ARHGEF12: variants seen among roughly 807,000 people sequenced by gnomAD.
ARHGEF12 encodes the protein Rho guanine nucleotide exchange factor 12, also known as KMT2A/ARHGEF12 fusion protein.
A neutral mutation model predicts 211.2 loss-of-function variants in ARHGEF12; 66 were observed. The ratio of observed to expected loss-of-function variants is 0.31; its 90% CI spans 0.26 to 0.38. The LOEUF is 0.38. Ranked by LOEUF, ARHGEF12 falls within the 10% of genes least tolerant of loss-of-function variation. The pLI is 1.00. For missense variants in ARHGEF12, 1,429 were observed against 1,869.5 expected, an observed-to-expected ratio of 0.76 and a Z score of 4.34; for synonymous variants, 592 against 638.4, an observed-to-expected ratio of 0.93 and a Z score of 1.09.
At chr11:120,389,753 C>T (rs1016300292) in intron 1 of ARHGEF12, among the ~76,000 whole-genome samples, 4 of 152,188 alleles carry the variant, frequency 2.6e-5, no homozygotes, top group Admixed American at 6.5e-5. Context: ...TTTTTAGCTT[C>T]CACAAATGAG....
chr11:120,419,873 G>A (rs1024500018), intron 4 of ARHGEF12, among the ~76,000 whole-genome samples: 1 of 152,076 alleles, frequency 6.6e-6, no homozygotes, highest in Non-Finnish European at 1.5e-5. Flanking sequence ...ATCCTGCAAA[G>A]CTGAAAATAT....
Position 120,431,913 on chromosome 11 carries a change from T to C in ARHGEF12, c.924+2T>C. 1 of 1,580,482 alleles carries C rather than the reference T, an allele frequency of 6.3e-7. No homozygotes were observed. The highest frequency in any genetic ancestry group is 8.6e-7 in the Non-Finnish European group (1 of 1,166,632). On this transcript the variant is annotated splice_donor_variant, in intron 11 of 40. Transcript: ENST00000397843. LOFTEE classifies it high-confidence loss of function. ...CGGCCCAGTAGTGACAATGCAGATG[T>C]AAGCTTTCAGTTTTCTAAATCTTTT...
At chr11:120,348,704 G>T (rs1279363008) in intron 1 of ARHGEF12, among the ~76,000 whole-genome samples, 1 of 152,112 alleles carries the variant, frequency 6.6e-6, no homozygotes, top group Non-Finnish European at 1.5e-5. Context: ...AGCTGGGCAT[G>T]GTGGCACATG....
chr11:120,362,501 G>T (rs1027391478), intron 1 of ARHGEF12, among the ~76,000 whole-genome samples: 1 of 152,098 alleles, frequency 6.6e-6, no homozygotes, highest in African/African-American at 2.4e-5. Flanking sequence ...GGAATTAGAT[G>T]ATTTAGTTAA....
chr11:120,414,845 G>C (rs567102896), intron 4 of ARHGEF12, among the ~76,000 whole-genome samples: 140 of 152,264 alleles, frequency 9.2e-4, no homozygotes, highest in African/African-American at 3.2e-3. Flanking sequence ...TCTTGCCTTG[G>C]CCTCCCAAAA....
At chr11:120,345,754 A>G (rs1314300382) in intron 1 of ARHGEF12, among the ~76,000 whole-genome samples, 2 of 150,952 alleles carry the variant, frequency 1.3e-5, no homozygotes, top group Admixed American at 1.3e-4. Flanking sequence ...CTAAATATAT[A>G]TATATATACA....
intron 4 of ARHGEF12, among the ~76,000 whole-genome samples, chr11:120,416,196 G>A (rs2135634289): frequency 6.6e-6 from 1 of 152,204 alleles, no homozygotes; most frequent in South Asian, 2.1e-4. Context: ...TCTCTCCGAT[G>A]ACCTCCCTTT....
At chr11:120,473,863 G>A (rs149954357) in intron 31 of ARHGEF12, among the ~76,000 whole-genome samples, 2 of 152,276 alleles carry the variant, frequency 1.3e-5, no homozygotes, top group Non-Finnish European at 2.9e-5. Flanking sequence ...CTAGTATGTG[G>A]GCTTATGTGT....
At chr11:120,426,124 TCCC>T (rs1272982454) in intron 7 of ARHGEF12, among the ~76,000 whole-genome samples, 2 of 152,172 alleles carry the variant, frequency 1.3e-5, no homozygotes, top group Non-Finnish European at 2.9e-5. Context: ...CAAAATTAGA[TCCC>T]CATACTTGAA....
At chr11:120,475,832 C>A (rs937758993) in intron 33 of ARHGEF12, 4 of 191,774 alleles carry the variant, frequency 2.1e-5, no homozygotes, top group Non-Finnish European at 4.2e-5. Context: ...AGAAAAAAAT[C>A]AAAAACCAAA....
At chr11:120,337,393 GT>G in intron 1 of ARHGEF12, 118 bp downstream of exon 1, 2 of 1,557,356 alleles carry the variant, frequency 1.3e-6, no homozygotes, top group East Asian at 4.6e-5. Context: ...AAAGAGGGTT[GT>G]TTCGGAGCTG....
At chr11:120,472,946 C>T (rs773584067) in intron 30 of ARHGEF12, 104 bp from the exon 31 acceptor site, 640 of 1,056,378 alleles carry the variant, frequency 6.1e-4, no homozygotes, top group Non-Finnish European at 8.3e-4. Flanking sequence ...TGAGCCACCA[C>T]GCCTGGCCAA....
At chr11:120,434,454 T>A (rs1018926197) in intron 11 of ARHGEF12, among the ~76,000 whole-genome samples, 1 of 152,238 alleles carries the variant, frequency 6.6e-6, no homozygotes, top group African/African-American at 2.4e-5. Context: ...TCTACAAGTG[T>A]CTGAGGCTAA....
chr11:120,474,976 TC>T (rs1408341785), intron 32 of ARHGEF12, among the ~76,000 whole-genome samples: 1 of 152,156 alleles, frequency 6.6e-6, no homozygotes, highest in Non-Finnish European at 1.5e-5. Flanking sequence ...ACAAGGTCTT[TC>T]TATGTTGCCC....
chr11:120,356,758 T>A (rs990903199), intron 1 of ARHGEF12, among the ~76,000 whole-genome samples: 4 of 152,210 alleles, frequency 2.6e-5, no homozygotes, highest in East Asian at 1.9e-4. Flanking sequence ...TACCTTCTAT[T>A]TGGACCTTTC....
At chr11:120,346,494 T>A (rs574705582) in intron 1 of ARHGEF12, among the ~76,000 whole-genome samples, 11 of 152,300 alleles carry the variant, frequency 7.2e-5, no homozygotes, top group African/African-American at 2.2e-4. Flanking sequence ...CCAAAGCAAG[T>A]CATATGGTCA....
chr11:120,460,610 C>T (rs1351283902), intron 26 of ARHGEF12, 62 bp from the exon 27 acceptor site: 1 of 1,390,282 alleles, frequency 7.2e-7, no homozygotes, highest in African/African-American at 1.4e-5. Flanking sequence ...CTACTCTGTA[C>T]TACCAGTAAT....
At chr11:120,401,748 G>A (rs911073036) in intron 1 of ARHGEF12, among the ~76,000 whole-genome samples, 8 of 152,122 alleles carry the variant, frequency 5.3e-5, no homozygotes, top group African/African-American at 1.2e-4. Context: ...ACAGTGTAAC[G>A]TCTGAGAAGT....
intron 1 of ARHGEF12, among the ~76,000 whole-genome samples, chr11:120,384,545 G>A (rs192568674): frequency 2.6e-5 from 4 of 152,220 alleles, no homozygotes; most frequent in East Asian, 3.9e-4. Context: ...AATTATTTTC[G>A]CAAAATTACA....
Sources: gnomAD v4.1 joint callset for allele counts (sites outside exome capture counted in the v4.1 genomes callset) on GRCh38, gnomAD v4.1.1 for gene constraint, MANE v1.5 for transcripts, NCBI Gene and HGNC (gene_info 2026-07-23, HGNC 2026-07-21) for gene names.